Variants in PCDHA1 observed in about 807,000 individuals in gnomAD.
PCDHA1 encodes the protein protocadherin alpha-1.
PCDHA1 carries 42 observed loss-of-function variants against 61.3 expected under a neutral mutation model. That is an observed-to-expected ratio of 0.69 (90% CI 0.54 to 0.89). The LOEUF (loss-of-function observed/expected upper bound fraction) is 0.89, where lower values mean the gene tolerates loss of function less well. PCDHA1 is among the 40% of genes least tolerant of loss of function. The pLI, the probability that PCDHA1 is intolerant of heterozygous loss-of-function variation, is 0.00. For synonymous variants in PCDHA1, 610 were observed against 553.8 expected, an observed-to-expected ratio of 1.10 and a Z score of -1.43; for missense variants, 1,256 against 1,235.3, an observed-to-expected ratio of 1.02 and a Z score of -0.25.
rs782716439 is a variant in PCDHA1, at chr5:140,858,074, A to C, written c.2394+69390A>C. The stretch of plus-strand genomic sequence containing the variant: ...GCTTGTGGAGGGCAGCCAGGCACCC[A>C]AGGCCTCGTCGCGGGCTTCAGTGGG... On this transcript the variant is annotated intron_variant, in intron 1 of 3. Coordinates refer to ENST00000504120, the MANE Select transcript of PCDHA1 (RefSeq NM_018900.4). 3 of 1,597,526 alleles carry C rather than the reference A, an allele frequency of 1.9e-6. No homozygotes were observed. The African/African-American group carries it at 4.0e-5, about 21-fold the overall frequency.
At chr5:140,881,336 G>A in intron 1 of PCDHA1, 1 of 985,066 alleles carries the variant, frequency 1.0e-6, no homozygotes, top group Non-Finnish European at 1.2e-6. Context: ...CCAGGACGCC[G>A]ATTCGGGCTA....
At chr5:140,869,725 C>T (rs1326402140) in intron 1 of PCDHA1, 1 of 1,613,284 alleles carries the variant, frequency 6.2e-7, no homozygotes, top group Non-Finnish European at 8.5e-7. Flanking sequence ...AACTCCGGAA[C>T]TTAATTTGCT....
chr5:140,865,215 T>C (rs2048774441), intron 1 of PCDHA1: 1 of 152,214 alleles, frequency 6.6e-6, no homozygotes, highest in Admixed American at 6.5e-5. Flanking sequence ...TTGCTTTCTT[T>C]AAAGGGATCC....
chr5:140,914,207 A>G (rs1485868934), intron 1 of PCDHA1, among the ~76,000 whole-genome samples: 4 of 152,060 alleles, frequency 2.6e-5, no homozygotes, highest in African/African-American at 9.7e-5. Context: ...TGTGATCTCT[A>G]TCTCTCTTTT....
intron 1 of PCDHA1, chr5:140,851,252 G>A: frequency 9.2e-7 from 1 of 1,089,164 alleles, no homozygotes; most frequent in Non-Finnish European, 1.2e-6. Flanking sequence ...ATGATGCATA[G>A]TATTTTAGTC....
chr5:140,854,176 AG>A (rs2150310267), intron 1 of PCDHA1: 7 of 663,702 alleles, frequency 1.1e-5, no homozygotes, highest in East Asian at 1.3e-4. Flanking sequence ...AAAAAAAAAA[AG>A]AGTAGTTTAA....
At chr5:141,008,211 G>A (rs1032443788) in intron 3 of PCDHA1, among the ~76,000 whole-genome samples, 6 of 152,168 alleles carry the variant, frequency 3.9e-5, no homozygotes, top group Admixed American at 2.0e-4. Context: ...AACTTGACAT[G>A]AGTTATGTTA....
rs781945067 is a variant in PCDHA1, at chr5:140,809,603, T to C, written c.2394+20919T>C. ...TGTATAACATCCTTTTGTTTAATTT[T>C]CGTATTGTTTTTCTCTATCAACTTC... On this transcript the variant is annotated intron_variant, in intron 1 of 3. Coordinates refer to ENST00000504120, the MANE Select transcript of PCDHA1 (RefSeq NM_018900.4). The C allele has an allele frequency of 4.1e-5, 63 of 1,528,056 alleles. 1 individual carries two copies. In the Admixed American group the frequency reaches 1.3e-3, roughly 32 times the overall value. 94.7% of individuals were successfully genotyped at this position (1,528,056 alleles called of 1,614,324 possible).
intron 1 of PCDHA1, chr5:140,834,328 T>C (rs2150127559): frequency 6.9e-7 from 1 of 1,451,502 alleles, no homozygotes; most frequent in Non-Finnish European, 9.4e-7. Flanking sequence ...ATAAAAACAT[T>C]CCTATAAATT....
intron 1 of PCDHA1, among the ~76,000 whole-genome samples, chr5:140,941,191 T>TTTTTC (rs1554213809): frequency 1.8e-4 from 17 of 93,256 alleles, no homozygotes; most frequent in Middle Eastern, 5.1e-3. Context: ...GCTTCTTTTT[T>TTTTTC]TTTCTTTCTT....
At chr5:140,920,746 A>AG (rs1190651507) in intron 1 of PCDHA1, among the ~76,000 whole-genome samples, 2 of 151,430 alleles carry the variant, frequency 1.3e-5, no homozygotes, top group African/African-American at 4.8e-5. Context: ...CAGGAGGCTG[A>AG]GGCAGGAGAA....
At chr5:140,954,919 C>A (rs246021) in intron 1 of PCDHA1, among the ~76,000 whole-genome samples, 85,722 of 151,952 alleles carry the variant, frequency 0.56, 24,790 homozygotes, top group African/African-American at 0.69. Flanking sequence ...TTATGAATTA[C>A]GTCTTTAATT....
At chr5:140,946,679 CG>C (rs1355438071) in intron 1 of PCDHA1, among the ~76,000 whole-genome samples, 1 of 144,750 alleles carries the variant, frequency 6.9e-6, no homozygotes, top group Non-Finnish European at 1.5e-5. Flanking sequence ...TCCTGTCATT[CG>C]TGACAATATG....
At chr5:140,948,563 AT>A (rs1400147953) in intron 1 of PCDHA1, among the ~76,000 whole-genome samples, 1 of 151,546 alleles carries the variant, frequency 6.6e-6, no homozygotes, top group East Asian at 1.9e-4. Context: ...GTTAAGTTGT[AT>A]TTTTTAAAGG....
At chr5:140,884,020 G>A (rs61734917) in intron 1 of PCDHA1, 5 of 1,613,174 alleles carry the variant, frequency 3.1e-6, no homozygotes, top group East Asian at 2.2e-5. Flanking sequence ...TGCCGCGGTC[G>A]GTGGGTGCAG....
chr5:140,842,820 G>A (rs1554139418), intron 1 of PCDHA1: 2 of 1,593,888 alleles, frequency 1.3e-6, no homozygotes, highest in African/African-American at 2.7e-5. Context: ...CGGCGGGTGG[G>A]CGAGCGCTCG....
chr5:140,811,770 A>T (rs1456844883), intron 1 of PCDHA1: 1 of 152,036 alleles, frequency 6.6e-6, no homozygotes, highest in Non-Finnish European at 1.5e-5. Flanking sequence ...GCATTTTTTC[A>T]TGTGTCTGTT....
At chr5:140,849,840 AACG>A in intron 1 of PCDHA1, 4 of 1,598,334 alleles carry the variant, frequency 2.5e-6, no homozygotes, top group Non-Finnish European at 3.4e-6. Flanking sequence ...GGCCGACGTG[AACG>A]ACAACGCACC....
At chr5:140,822,179 A>G (rs1767221241) in intron 1 of PCDHA1, 1 of 1,614,222 alleles carries the variant, frequency 6.2e-7, no homozygotes, top group Non-Finnish European at 8.5e-7. Flanking sequence ...TTCTCCAGAC[A>G]AGAACAAAGA....
Sources: gnomAD v4.1 joint callset for allele counts (sites outside exome capture counted in the v4.1 genomes callset) on GRCh38, gnomAD v4.1.1 for gene constraint, MANE v1.5 for transcripts, NCBI Gene and HGNC (gene_info 2026-07-23, HGNC 2026-07-21) for gene names.